The following CD46 variants were observed in gnomAD, a reference collection of about 807,000 sequenced individuals.
CD46 encodes CD46 molecule, also known as membrane cofactor protein.
In CD46, 30 loss-of-function variants were observed where a neutral mutation model predicts 53.3. The observed-to-expected ratio is 0.56, with a 90% CI of 0.42 to 0.76. The LOEUF is 0.76. Among genes scored for constraint, CD46 ranks in the 30% least tolerant of loss-of-function variants. The pLI, the probability that CD46 is intolerant of heterozygous loss-of-function variation, is 0.00. For missense variants in CD46, 409 were observed against 463.0 expected, an observed-to-expected ratio of 0.88 and a Z score of 1.07; for synonymous variants, 142 against 152.0, an observed-to-expected ratio of 0.93 and a Z score of 0.48.
At chr1:207,758,227 G>A (rs979589910) in intron 3 of CD46, among the ~76,000 whole-genome samples, 5 of 152,152 alleles carry the variant, frequency 3.3e-5, no homozygotes, top group Admixed American at 2.6e-4. Flanking sequence ...TAAGATAAAT[G>A]TGCATTTATA....
chr1:207,772,248 T>C lies in CD46; in HGVS notation c.943+1886T>C, dbSNP rs1460653282. 2.6e-5 allele frequency among the ~76,000 whole-genome samples: 4 copies of C among 152,236 alleles called. 1 individual carries two copies. The highest frequency in any genetic ancestry group is 2.6e-4 in the Admixed American group (4 of 15,286). On this transcript the variant is annotated intron_variant, in intron 8 of 12. Coordinates refer to ENST00000367042, the MANE Select transcript of CD46 (RefSeq NM_172351.3). ...AATGCTTGTGATTTTTGCACATTGA[T>C]TTTGTATCCTGAGACTTCGCTGAAG...
At position 207,773,791 on chromosome 1, in the gene CD46, GTT is replaced by G. The variant is rs1415782410; in HGVS notation, c.943+3432_943+3433del. On this transcript the variant is annotated intron_variant, in intron 8 of 12. Transcript: ENST00000367042. ...TGTTCTTTTACATTTGCTGAGGAGT[GTT>G]TTCTACCAATTATGTGGTCAATTTT... Among the ~76,000 whole-genome samples, 5 of 152,250 alleles carry G rather than the reference GTT, an allele frequency of 3.3e-5. No individual in the cohort carries two copies. In the East Asian group the frequency reaches 9.6e-4, roughly 29 times the overall value.
chr1:207,784,970 G>A (rs1390053287), intron 9 of CD46, 101 bp from the exon 10 acceptor site: 2 of 975,602 alleles, frequency 2.1e-6, no homozygotes, highest in Non-Finnish European at 1.6e-6. Context: ...ATTTGGGTGG[G>A]GACACAGCCA....
intron 2 of CD46, 82 bp from the exon 3 acceptor site, chr1:207,757,458 A>G (rs939465004): frequency 1.3e-5 from 12 of 910,690 alleles, no homozygotes; most frequent in Middle Eastern, 2.2e-4. Context: ...CCACCCATTC[A>G]AAAGAGCACT....
chr1:207,761,883 T>G (rs1226332108), intron 5 of CD46, among the ~76,000 whole-genome samples: 2 of 152,192 alleles, frequency 1.3e-5, no homozygotes, highest in African/African-American at 4.8e-5. Flanking sequence ...ACCAAATGTT[T>G]AAGGCACTCT....
intron 5 of CD46, among the ~76,000 whole-genome samples, chr1:207,766,531 A>T (rs567623041): frequency 8.5e-5 from 13 of 152,282 alleles, no homozygotes; most frequent in African/African-American, 3.1e-4. Context: ...TATTATTTGA[A>T]AAAATATTGG....
At chr1:207,791,387 T>G (rs1659788295) in intron 12 of CD46, among the ~76,000 whole-genome samples, 1 of 152,242 alleles carries the variant, frequency 6.6e-6, no homozygotes, top group Admixed American at 6.5e-5. Context: ...ATCACTACTC[T>G]TGTGCTCTGA....
rs753141463 is a variant in CD46, at chr1:207,757,076, T to C, written c.160T>C (p.Tyr54His). The C allele has an allele frequency of 6.2e-7, 1 of 1,614,102 alleles. No individual in the cohort carries two copies. Among genetic ancestry groups the C allele is most frequent in the South Asian group, 1.1e-5 (1 of 91,086 alleles). ...GCTCATTGGTAAACCAAAACCCTAC[T>C]ATGAGATTGGTGAACGAGTAGATTA... The part of the protein sequence containing the change: ...MELIGKPKPY[Y>H]EIGERVDYKC... Residue 54 changes from tyrosine (Y) to histidine (H), a missense_variant, in exon 2 of 13, where the codon TAT (tyrosine) becomes CAT (histidine). Coordinates refer to ENST00000367042, the MANE Select transcript of CD46 (RefSeq NM_172351.3).
intron 12 of CD46, 64 bp from the exon 13 acceptor site, chr1:207,793,455 G>A (rs1432685602): frequency 3.2e-6 from 4 of 1,260,420 alleles, no homozygotes; most frequent in African/African-American, 1.5e-5. Context: ...ATAGGCTTCT[G>A]GAATTTAATT....
At position 207,752,125 on chromosome 1, in the gene CD46, T is replaced by C; in HGVS notation, c.-88T>C. On this transcript the variant is annotated 5_prime_UTR_variant, in exon 1 of 13. Coordinates refer to ENST00000367042, the MANE Select transcript of CD46 (RefSeq NM_172351.3). The surrounding 1 kb of genome is among the most constrained non-coding windows in gnomAD (Gnocchi z 4.1). ...GAGTTGGGGATTGTTGCGTCCCATA[T>C]CTGGACCCAGAAGGGACTTCCCTGC... is the stretch of plus-strand genomic sequence containing the variant. 2.5e-6 allele frequency: 3 copies of C among 1,215,924 alleles called. No individual in the cohort carries two copies. The Middle Eastern group carries it at 5.7e-4, about 231-fold the overall frequency. The allele number at this position is 1,215,924 out of a possible 1,614,324, so 75.3% of individuals were successfully genotyped here.
rs368512815 is a variant in CD46 at position 207,754,729 on chromosome 1, C to G, written c.98-2285C>G. On this transcript the variant is annotated intron_variant, in intron 1 of 12. Coordinates refer to ENST00000367042, the MANE Select transcript of CD46 (RefSeq NM_172351.3). ...GCTGAGAGCCAGAAAGGATCTGTCT[C>G]CCCTATTTGTTGACTCTGCAGGGCT... is the stretch of plus-strand genomic sequence containing the variant. Among the ~76,000 whole-genome samples, 13 of 152,208 alleles carry G rather than the reference C, an allele frequency of 8.5e-5. No individual in the cohort carries two copies. In the South Asian group the frequency reaches 2.5e-3, roughly 29 times the overall value.
At chr1:207,781,573 G>T (rs183263400) in intron 8 of CD46, among the ~76,000 whole-genome samples, 6 of 152,134 alleles carry the variant, frequency 3.9e-5, no homozygotes, top group Non-Finnish European at 1.5e-5. Context: ...CTTATGTTTA[G>T]GTCTCTGATC....
At position 207,752,288 on chromosome 1, in the gene CD46, T is replaced by C. The variant is rs1655005099; in HGVS notation, c.76T>C (p.Leu26=). ...FPGLLLAAMV[L]LLYSFSDACE... is the part of the protein sequence containing the mutation. ...TGGGTTGCTTCTGGCGGCCATGGTG[T>C]TGCTGCTGTACTCCTTCTCCGGTAG... Residue 26 remains leucine, a synonymous_variant, in exon 1 of 13, where the codon TTG becomes CTG. Transcript: ENST00000367042. This position sits in a 1 kb window ranked among gnomAD's most constrained non-coding sequence, Gnocchi z 4.1. 6.2e-7 allele frequency: 1 copy of C among 1,614,010 alleles called. No individual in the cohort carries two copies. The highest frequency in any genetic ancestry group is 2.2e-5 in the East Asian group (1 of 44,886).
intron 8 of CD46, among the ~76,000 whole-genome samples, chr1:207,772,092 G>A (rs1327191202): frequency 1.3e-5 from 2 of 152,044 alleles, no homozygotes; most frequent in African/African-American, 4.8e-5. Flanking sequence ...GTTTGTAGTT[G>A]TCTTTGAAGA....
intron 6 of CD46, chr1:207,767,515 CTAAG>C (rs1295250432): frequency 8.4e-6 from 9 of 1,069,632 alleles, no homozygotes; most frequent in South Asian, 5.1e-5. Flanking sequence ...GCATTTTTAT[CTAAG>C]TAAGTCAACA....
chr1:207,760,697 T>C (rs1656081432), intron 4 of CD46: 1 of 154,808 alleles, frequency 6.5e-6, no homozygotes, highest in African/African-American at 2.4e-5. Flanking sequence ...ACAGGAAGCA[T>C]GGTGCTGGCA....
chr1:207,778,610 A>G (rs1658375609), intron 8 of CD46, among the ~76,000 whole-genome samples: 1 of 152,014 alleles, frequency 6.6e-6, no homozygotes, highest in Admixed American at 6.6e-5. Flanking sequence ...GTGCAGCCTT[A>G]TTTCTAGGCT....
intron 7 of CD46, chr1:207,770,081 G>A (rs1657315853): frequency 2.0e-6 from 1 of 490,072 alleles, no homozygotes; most frequent in South Asian, 2.4e-5. Flanking sequence ...TTACTTTCAT[G>A]ATGGTTATCT....
In CD46 at chr1:207,776,048, T is replaced by C. The variant is rs144399581; in HGVS notation, c.943+5686T>C. Among the ~76,000 whole-genome samples, 809 of 152,310 alleles carry C rather than the reference T, an allele frequency of 5.3e-3. 7 individuals are homozygous for C. The highest frequency in any genetic ancestry group is 0.018 in the African/African-American group (735 of 41,570). On this transcript the variant is annotated intron_variant, in intron 8 of 12. Transcript: ENST00000367042. ...GTTTGTGCTTCCAGTTCTCTTTGTT[T>C]ACACTGTGAGCTACTCAAGCCTCAG...
Sources: gnomAD v4.1 joint callset for allele counts (sites outside exome capture counted in the v4.1 genomes callset) on GRCh38, gnomAD v4.1.1 for gene constraint, Gnocchi (gnomAD v3.1) non-coding constraint, MANE v1.5 for transcripts, NCBI Gene and HGNC (gene_info 2026-07-23, HGNC 2026-07-21) for gene names.